The following SOX5 variants were observed in gnomAD, a reference collection of about 807,000 sequenced individuals.
SOX5 encodes transcription factor SOX-5.
A neutral mutation model predicts 92.0 loss-of-function variants in SOX5; 9 were observed. That is an observed-to-expected ratio of 0.10 (90% confidence interval 0.06 to 0.17). SOX5 has a LOEUF of 0.17. Among genes scored for constraint, SOX5 ranks in the 10% least tolerant of loss-of-function variants. The pLI, the probability that SOX5 is intolerant of heterozygous loss-of-function variation, is 1.00. For missense variants in SOX5, 642 were observed against 944.5 expected (o/e 0.68, Z 4.20); for synonymous variants, 344 against 336.3 (o/e 1.02, Z -0.25).
chr12:23,643,762 T>C (rs867007056), intron 7 of SOX5, among the ~76,000 whole-genome samples: 1 of 152,132 alleles, frequency 6.6e-6, no homozygotes, highest in African/African-American at 2.4e-5. Context: ...ACTGCAACAA[T>C]GGCGGTTTCA....
intron 1 of SOX5, among the ~76,000 whole-genome samples, chr12:24,406,858 T>A (rs527930603): frequency 6.6e-6 from 1 of 152,180 alleles, no homozygotes; most frequent in African/African-American, 2.4e-5. Context: ...AGATGAAAAA[T>A]AAATTGTGTT....
At chr12:23,735,821 C>T (rs1431222878) in intron 5 of SOX5, among the ~76,000 whole-genome samples, 3 of 152,214 alleles carry the variant, frequency 2.0e-5, no homozygotes, top group Non-Finnish European at 4.4e-5. Context: ...TTTACTTCTA[C>T]ATTTACCTTC....
chr12:24,546,757 T>A (rs1224026509), intron 1 of SOX5, among the ~76,000 whole-genome samples: 1 of 152,218 alleles, frequency 6.6e-6, no homozygotes, highest in Admixed American at 6.5e-5. Flanking sequence ...GAGCCTTTTA[T>A]CACCTAGATC....
At chr12:24,475,500 C>T (rs544385786) in intron 1 of SOX5, among the ~76,000 whole-genome samples, 3 of 152,250 alleles carry the variant, frequency 2.0e-5, no homozygotes, top group South Asian at 2.1e-4. Flanking sequence ...TGTGAAAAGT[C>T]GTGAGCAACA....
Position 23,604,444 on chromosome 12 carries a change from T to C in SOX5, c.1107A>G (p.Val369=), listed in dbSNP as rs762061008. The C allele has an allele frequency of 1.6e-5, 26 of 1,613,788 alleles. No individual in the cohort carries two copies. Among genetic ancestry groups the C allele is most frequent in the Non-Finnish European group, 2.0e-5 (24 of 1,179,788 alleles). ...TGTCTGTGTGAATGCTGGTAGGAGA[T>C]ACAGCAGCACCAAGGTTGCCTTGGG... ...GIPQGNLGAA[V]SPTSIHTDKS... Residue 369 remains valine (V), a synonymous_variant, in exon 9 of 15, where the codon GTA becomes GTG. Coordinates refer to ENST00000451604, the MANE Select transcript of SOX5 (RefSeq NM_006940.6).
chr12:23,951,585 T>G (rs546296636), upstream of SOX5, among the ~76,000 whole-genome samples: 11 of 152,272 alleles, frequency 7.2e-5, no homozygotes, highest in South Asian at 2.1e-3. Context: ...GCTTATAAAT[T>G]TTTAGACAAG....
intron 8 of SOX5, among the ~76,000 whole-genome samples, chr12:23,620,772 C>A (rs913340777): frequency 6.6e-6 from 1 of 152,080 alleles, no homozygotes; most frequent in East Asian, 1.9e-4. Context: ...TTCAATTGCA[C>A]AGGACCTATT....
intron 4 of SOX5, among the ~76,000 whole-genome samples, chr12:24,054,493 T>C (rs1403084036): frequency 6.6e-6 from 1 of 152,134 alleles, no homozygotes; most frequent in Middle Eastern, 3.2e-3. Context: ...AGGACATGGG[T>C]CACACACACA....
At chr12:23,758,402 T>C (rs76956430) in intron 3 of SOX5, among the ~76,000 whole-genome samples, 2 of 151,490 alleles carry the variant, frequency 1.3e-5, no homozygotes, top group African/African-American at 4.9e-5. Context: ...TTTTTTTTTT[T>C]CCTACACATT....
At chr12:23,980,111 C>T (rs1320718960) in intron 4 of SOX5, among the ~76,000 whole-genome samples, 2 of 151,982 alleles carry the variant, frequency 1.3e-5, no homozygotes, top group African/African-American at 2.4e-5. Flanking sequence ...TCGTTATCTT[C>T]GTATGGCCAT....
At chr12:23,560,734 G>A (rs1193520863) in intron 11 of SOX5, among the ~76,000 whole-genome samples, 1 of 152,194 alleles carries the variant, frequency 6.6e-6, no homozygotes, top group Non-Finnish European at 1.5e-5. Context: ...ATGTAAGTGT[G>A]ACATTATTAT....
At chr12:24,221,247 C>T (rs1157830167) in intron 3 of SOX5, among the ~76,000 whole-genome samples, 7 of 152,134 alleles carry the variant, frequency 4.6e-5, no homozygotes, top group Non-Finnish European at 8.8e-5. Flanking sequence ...GAAAAAAATA[C>T]AAGACATGAA....
intron 10 of SOX5, among the ~76,000 whole-genome samples, chr12:23,569,647 T>C (rs573144850): frequency 2.0e-5 from 3 of 152,194 alleles, no homozygotes; most frequent in Non-Finnish European, 4.4e-5. Context: ...CATTCCCCCT[T>C]TTCCAAGGAC....
At chr12:24,005,809 T>C (rs1424165844) in intron 4 of SOX5, among the ~76,000 whole-genome samples, 2 of 152,202 alleles carry the variant, frequency 1.3e-5, no homozygotes, top group Non-Finnish European at 1.5e-5. Context: ...TAAAAACCTT[T>C]TTATTAAAAT....
intron 1 of SOX5, among the ~76,000 whole-genome samples, chr12:23,945,043 A>T (rs985468603): frequency 6.6e-6 from 1 of 152,190 alleles, no homozygotes; most frequent in Non-Finnish European, 1.5e-5. Context: ...AGCCTACATA[A>T]TGCACATCTG....
intron 9 of SOX5, among the ~76,000 whole-genome samples, chr12:23,579,206 C>T (rs1235438257): frequency 6.6e-6 from 1 of 152,096 alleles, no homozygotes; most frequent in African/African-American, 2.4e-5. Flanking sequence ...AGCAAGAGAC[C>T]CACTGAAACT....
At chr12:24,484,616 T>C (rs1164745161) in intron 1 of SOX5, among the ~76,000 whole-genome samples, 2 of 152,124 alleles carry the variant, frequency 1.3e-5, no homozygotes, top group African/African-American at 4.8e-5. Flanking sequence ...TGGCTTGTGA[T>C]AAAATAACTC....
intron 6 of SOX5, among the ~76,000 whole-genome samples, chr12:23,716,695 A>G (rs905078873): frequency 1.3e-5 from 2 of 152,224 alleles, no homozygotes; most frequent in Non-Finnish European, 1.5e-5. Flanking sequence ...AGGCCCTCTT[A>G]TATCACTGTA....
At chr12:23,603,691 C>T (rs529015837) in intron 9 of SOX5, among the ~76,000 whole-genome samples, 1 of 151,990 alleles carries the variant, frequency 6.6e-6, no homozygotes, top group African/African-American at 2.4e-5. Flanking sequence ...GGCCAAGAAA[C>T]ATACATTATT....
Sources: gnomAD v4.1 joint callset for allele counts (sites outside exome capture counted in the v4.1 genomes callset) on GRCh38, gnomAD v4.1.1 for gene constraint, MANE v1.5 for transcripts, NCBI Gene and HGNC (gene_info 2026-07-23, HGNC 2026-07-21) for gene names.